Variants in PCDHA7 observed in about 807,000 individuals in gnomAD.
PCDHA7 encodes the protein protocadherin alpha 7, also known as protocadherin alpha-7.
Under a neutral mutation model 57.2 loss-of-function variants are expected in PCDHA7, and 37 were observed. That is an observed-to-expected ratio of 0.65 (90% CI 0.50 to 0.85). The LOEUF (loss-of-function observed/expected upper bound fraction) is 0.85. Ranked by LOEUF, PCDHA7 falls within the 40% of genes least tolerant of loss-of-function variation. The pLI is 0.00. For synonymous variants in PCDHA7, 553 were observed against 558.8 expected, an observed-to-expected ratio of 0.99 and a Z score of 0.15; for missense variants, 1,188 against 1,241.8, an observed-to-expected ratio of 0.96 and a Z score of 0.65.
At chr5:140,921,981 A>G (rs2080540156) in intron 1 of PCDHA7, among the ~76,000 whole-genome samples, 1 of 152,092 alleles carries the variant, frequency 6.6e-6, no homozygotes, top group Non-Finnish European at 1.5e-5. Flanking sequence ...AAATAGAACT[A>G]AAAAAGAGTT....
At chr5:140,924,312 T>G (rs752006188) in intron 1 of PCDHA7, among the ~76,000 whole-genome samples, 84 of 152,338 alleles carry the variant, frequency 5.5e-4, no homozygotes, top group Non-Finnish European at 7.9e-4. Context: ...TCCTTTAATT[T>G]TATCTGAGAC....
Position 140,835,891 on chromosome 5 carries a change from C to G in PCDHA7, c.1508C>G (p.Ala503Gly). 6.2e-7 allele frequency: 1 copy of G among 1,611,968 alleles called. No homozygotes were observed. The highest frequency in any genetic ancestry group is 1.3e-5 in the African/African-American group (1 of 75,008). The change falls in exon 1 of 4, where the codon GCG (alanine) becomes GGG (glycine). Residue 503 changes from alanine to glycine, a missense_variant. Transcript: ENST00000525929. The stretch of plus-strand genomic sequence containing the variant: ...GTGGAGCTGCGGGTGGGCGAGCGCG[C>G]GCTGTCGAGCTACGTGTCAGTGCAC... ...SLVELRVGER[A>G]LSSYVSVHAE...
chr5:140,897,174 G>C (rs1356780883), intron 1 of PCDHA7, among the ~76,000 whole-genome samples: 1 of 151,818 alleles, frequency 6.6e-6, no homozygotes, highest in Non-Finnish European at 1.5e-5. Context: ...TATCTCCATG[G>C]GTTCAAAAAA....
chr5:140,961,114 A>G (rs2095591473), intron 1 of PCDHA7, among the ~76,000 whole-genome samples: 1 of 152,212 alleles, frequency 6.6e-6, no homozygotes, highest in African/African-American at 2.4e-5. Flanking sequence ...ACCCCCTTGC[A>G]TCTTAATGTC....
intron 1 of PCDHA7, among the ~76,000 whole-genome samples, chr5:140,902,253 G>T (rs1170626795): frequency 1.4e-5 from 2 of 144,500 alleles, no homozygotes; most frequent in Non-Finnish European, 3.0e-5. Flanking sequence ...GCCCAGGCTG[G>T]TCTCGAACTC....
chr5:141,009,705 G>A lies in PCDHA7; in HGVS notation c.2582G>A (p.Gly861Asp), dbSNP rs1554262289. Reference sequence around the variant, plus strand: ...AGCTGGACCTTTAAATACGGACCAGGCAACCCCAAACAATCCGGTCCCGGT... The same window carrying A: ...AGCTGGACCTTTAAATACGGACCAGACAACCCCAAACAATCCGGTCCCGGT... ...SNSWTFKYGPGNPKQSGPGEL... is the reference protein window; with the variant it reads ...SNSWTFKYGPDNPKQSGPGEL... Residue 861 changes from glycine (G) to aspartate (D), a missense_variant, in exon 4 of 4, where the codon GGC (glycine) becomes GAC (aspartate). Physicochemically the swap from Gly to Asp is moderately conservative, Grantham distance 94 (BLOSUM62 -1). This residue lies in a region of PCDHA7 where 892 missense variants were observed against 788.5 expected (regional missense o/e 1.13). Transcript: ENST00000525929. The A allele has an allele frequency of 6.2e-7, 1 of 1,614,106 alleles. No homozygotes were observed. Among genetic ancestry groups the A allele is most frequent in the Non-Finnish European group, 8.5e-7 (1 of 1,180,026 alleles).
At chr5:140,858,637 A>G in intron 1 of PCDHA7, 1 of 969,728 alleles carries the variant, frequency 1.0e-6, no homozygotes, top group Non-Finnish European at 1.5e-6. Context: ...TCAGCCTTTG[A>G]TTGGTACTTA....
At chr5:140,976,208 A>G (rs2096706017) in intron 1 of PCDHA7, among the ~76,000 whole-genome samples, 1 of 152,202 alleles carries the variant, frequency 6.6e-6, no homozygotes, top group Non-Finnish European at 1.5e-5. Context: ...TCAGAAGTAA[A>G]AAAGAGAAAG....
intron 1 of PCDHA7, chr5:140,871,216 G>A (rs782807102): frequency 5.6e-6 from 9 of 1,613,738 alleles, no homozygotes; most frequent in East Asian, 4.5e-5. Context: ...CGCCATCTGC[G>A]TGGTGTCCAG....
chr5:141,006,157 A>G (rs2098258108), intron 3 of PCDHA7, among the ~76,000 whole-genome samples: 1 of 150,182 alleles, frequency 6.7e-6, no homozygotes, highest in Non-Finnish European at 1.5e-5. Context: ...GGAGTGATAT[A>G]ATCTGATTTA....
At chr5:140,856,916 A>G in intron 1 of PCDHA7, 1 of 1,596,314 alleles carries the variant, frequency 6.3e-7, no homozygotes, top group Middle Eastern at 1.7e-4. Flanking sequence ...CACGATAAGA[A>G]GGAAATTTTG....
intron 1 of PCDHA7, among the ~76,000 whole-genome samples, chr5:140,952,668 T>C (rs960968372): frequency 6.6e-6 from 1 of 152,234 alleles, no homozygotes. Context: ...CAAAGTCACT[T>C]TCACATTTTC....
At chr5:140,848,356 A>G in intron 1 of PCDHA7, 1 of 1,038,310 alleles carries the variant, frequency 9.6e-7, no homozygotes, top group Non-Finnish European at 1.4e-6. Context: ...CCCTTTTCCC[A>G]TGGGAAAGAG....
Position 140,858,600 on chromosome 5 carries a change from TA to T in PCDHA7, c.2355+21866del, listed in dbSNP as rs1554151860. 9.3e-6 allele frequency: 12 copies of T among 1,293,864 alleles called. 1 individual carries two copies. Among genetic ancestry groups the T allele is most frequent in the Non-Finnish European group, 1.3e-5 (12 of 949,282 alleles). 80.1% of individuals were successfully genotyped at this position (1,293,864 alleles called of 1,614,324 possible). ...GTAATATAATTTATTCCAGGAGTTT[TA>T]AAATTTTTTTATCCTACCCAGTGTG... is the stretch of plus-strand genomic sequence containing the variant. On this transcript the variant is annotated intron_variant, in intron 1 of 3. Coordinates refer to ENST00000525929, the MANE Select transcript of PCDHA7 (RefSeq NM_018910.3).
In PCDHA7 at chr5:140,853,628, A is replaced by G. The variant is rs782528140; in HGVS notation, c.2355+16890A>G. ...GGGGTGCTGTAAATAAGTATACAAG[A>G]TCACAGACCTAAATTGAGCCTGTTC... On this transcript the variant is annotated intron_variant, in intron 1 of 3. Transcript: ENST00000525929. The G allele has an allele frequency of 2.2e-5, 22 of 988,404 alleles. 3 individuals are homozygous for G. The highest frequency in any genetic ancestry group is 2.6e-5 in the Non-Finnish European group (21 of 820,488). The allele number at this position is 988,404 out of a possible 1,614,324, so 61.2% of individuals were successfully genotyped here.
At position 140,963,044 on chromosome 5, in the gene PCDHA7, T is replaced by C. The variant is rs144557802; in HGVS notation, c.2356-15905T>C. On this transcript the variant is annotated intron_variant, in intron 1 of 3. Transcript: ENST00000525929. The stretch of plus-strand genomic sequence containing the variant: ...AAGCAATTAACATTTATTGAGAGTC[T>C]ATAAGGGTTTCTACATTGTGAAGGA... Among the ~76,000 whole-genome samples the C allele has an allele frequency of 9.3e-4, 141 of 152,294 alleles. 1 individual carries two copies. Among genetic ancestry groups the C allele is most frequent in the African/African-American group, 2.9e-3 (121 of 41,576 alleles).
chr5:141,005,697 G>A (rs1197870932), intron 3 of PCDHA7, among the ~76,000 whole-genome samples: 75 of 78,728 alleles, frequency 9.5e-4, no homozygotes, highest in Admixed American at 6.2e-4. Context: ...GCGAAACTCC[G>A]TCTCAAAAAA....
At chr5:140,927,989 A>T (rs2084847354) in intron 1 of PCDHA7, 1 of 1,614,208 alleles carries the variant, frequency 6.2e-7, no homozygotes, top group African/African-American at 1.3e-5. Flanking sequence ...AGTGTAAAGG[A>T]TGAAGACCTC....
At chr5:140,927,105 C>T in intron 1 of PCDHA7, 1 of 1,613,778 alleles carries the variant, frequency 6.2e-7, no homozygotes, top group Non-Finnish European at 8.5e-7. Flanking sequence ...TGGATCTACC[C>T]AGCGGCAATT....
Sources: allele counts gnomAD v4.1 joint callset (sites outside exome capture counted in the v4.1 genomes callset), GRCh38; gene constraint gnomAD v4.1.1; regional missense constraint gnomAD v4.1.1; transcripts MANE v1.5; gene names NCBI Gene and HGNC (gene_info 2026-07-23, HGNC 2026-07-21).